Variants in TRABD2B observed in about 807,000 individuals in gnomAD.
The protein encoded by TRABD2B is TraB domain containing 2B.
Under a neutral mutation model 40.1 loss-of-function variants are expected in TRABD2B, and 14 were observed. The ratio of observed to expected loss-of-function variants is 0.35; its 90% CI spans 0.23 to 0.55. The LOEUF (loss-of-function observed/expected upper bound fraction) is 0.55, where lower values mean the gene tolerates loss of function less well. Ranked by LOEUF, TRABD2B falls within the 20% of genes least tolerant of loss-of-function variation. The probability of loss-of-function intolerance (pLI) is 0.90; values close to 1 mark genes in which losing one functional copy is unlikely to be tolerated. For missense variants in TRABD2B, 541 were observed against 648.6 expected (o/e 0.83, Z 1.80); for synonymous variants, 263 against 277.0 (o/e 0.95, Z 0.50).
intron 2 of TRABD2B, among the ~76,000 whole-genome samples, chr1:47,910,733 G>A (rs1331675231): frequency 6.6e-6 from 1 of 152,128 alleles, no homozygotes; most frequent in Non-Finnish European, 1.5e-5. Flanking sequence ...ATAAAACAGA[G>A]GTAAAATACC....
chr1:47,803,975 T>G (rs745352140), intron 2 of TRABD2B, among the ~76,000 whole-genome samples: 1 of 152,196 alleles, frequency 6.6e-6, no homozygotes, highest in Non-Finnish European at 1.5e-5. Flanking sequence ...ACACATAATC[T>G]GACCAGAAAA....
chr1:47,982,637 T>G (rs1030654403), intron 2 of TRABD2B, among the ~76,000 whole-genome samples: 13 of 152,152 alleles, frequency 8.5e-5, no homozygotes, highest in African/African-American at 3.1e-4. Flanking sequence ...AAATTTACTG[T>G]GATAAACCAG....
intron 2 of TRABD2B, among the ~76,000 whole-genome samples, chr1:47,862,714 T>C (rs1181858647): frequency 6.6e-6 from 1 of 152,172 alleles, no homozygotes; most frequent in Non-Finnish European, 1.5e-5. Context: ...CAAGTTATTT[T>C]GTGTCTATCA....
intron 2 of TRABD2B, among the ~76,000 whole-genome samples, chr1:47,991,736 C>A (rs535424607): frequency 8.1e-4 from 123 of 152,224 alleles, no homozygotes; most frequent in Non-Finnish European, 1.3e-3. Flanking sequence ...GTCTCCCCAA[C>A]CCAAATATTT....
intron 6 of TRABD2B, among the ~76,000 whole-genome samples, chr1:47,766,603 T>C (rs1394259556): frequency 6.6e-6 from 1 of 152,200 alleles, no homozygotes; most frequent in African/African-American, 2.4e-5. Context: ...GCTCAGCACT[T>C]TCCAAGCAAT....
intron 2 of TRABD2B, among the ~76,000 whole-genome samples, chr1:47,958,471 T>C (rs11488214): frequency 0.024 from 3,280 of 137,418 alleles, 82 homozygotes; most frequent in Admixed American, 0.084. Context: ...ACCCATCTCA[T>C]GTGCAGAGAC....
At chr1:47,796,905 C>T (rs1229229513) in intron 3 of TRABD2B, among the ~76,000 whole-genome samples, 3 of 152,224 alleles carry the variant, frequency 2.0e-5, no homozygotes, top group African/African-American at 4.8e-5. Context: ...AAGCCCATGA[C>T]TCAGAGGAGT....
At chr1:47,990,692 T>A (rs1033343559) in intron 2 of TRABD2B, among the ~76,000 whole-genome samples, 12 of 148,596 alleles carry the variant, frequency 8.1e-5, no homozygotes, top group African/African-American at 2.7e-4. Context: ...AGACTGGTAA[T>A]TGCTGCCCCA....
At chr1:47,882,914 T>A (rs573186443) in intron 2 of TRABD2B, among the ~76,000 whole-genome samples, 8 of 152,272 alleles carry the variant, frequency 5.3e-5, no homozygotes, top group African/African-American at 1.9e-4. Context: ...AGAGGAGTCC[T>A]GGAGAAGCTG....
In TRABD2B at chr1:47,771,842, C is replaced by T. The variant is rs116338825; in HGVS notation, c.1349+3328G>A. Among the ~76,000 whole-genome samples the T allele has an allele frequency of 6.1e-3, 926 of 152,306 alleles. 8 individuals carry two copies. Among genetic ancestry groups the T allele is most frequent in the African/African-American group, 0.021 (880 of 41,570 alleles). On this transcript the variant is annotated intron_variant, in intron 6 of 6. Transcript: ENST00000606738. ...CTAAACTTCCTCCAGTGTGTGTTTA[C>T]ATCTCCGGTAATGAGGGGCAAGGGG...
chr1:47,858,233 ATTTTATTTTATTTTATTTT>A, intron 2 of TRABD2B, among the ~76,000 whole-genome samples: 1 of 67,706 alleles, frequency 1.5e-5, no homozygotes, highest in East Asian at 7.8e-4. Flanking sequence ...ATTTTATTTT[ATTTTATTTTATTTTATTTT>A]ATTTTATTTT....
intron 2 of TRABD2B, among the ~76,000 whole-genome samples, chr1:47,821,912 T>A (rs1323761971): frequency 6.6e-6 from 1 of 152,148 alleles, no homozygotes; most frequent in African/African-American, 2.4e-5. Context: ...GGTGGAACAA[T>A]GAGGCACTGC....
In TRABD2B at chr1:47,765,979, G is replaced by T. The variant is rs1424257225; in HGVS notation, c.1477C>A (p.Pro493Thr). The T allele has an allele frequency of 2.8e-6, 2 of 702,296 alleles. No individual in the cohort carries two copies. The highest frequency in any genetic ancestry group is 5.4e-5 in the East Asian group (2 of 37,244). The allele number at this position is 702,296 out of a possible 1,614,324, so 43.5% of individuals were successfully genotyped here. A position where few individuals can be genotyped will look rare whatever the true frequency, so the allele number is the denominator to read the frequency against. Residue 493 changes from proline (P) to threonine (T), a missense_variant, in exon 7 of 7, where the codon CCC becomes ACC. By Grantham distance (38) the Pro-to-Thr change is conservative. Coordinates refer to ENST00000606738, the MANE Select transcript of TRABD2B (RefSeq NM_001194986.2). ...ATGGCGGGGAGAAGGCCCAGGGTGG[G>T]TGCCGAGCTGCTGGCGGGCCCTGGC... is the stretch of plus-strand genomic sequence containing the variant. ...DPPGPASSSAPTLGLLPAIAT... is the reference protein window; with the variant it reads ...DPPGPASSSATTLGLLPAIAT...
At chr1:47,883,332 G>C (rs1644330143) in intron 2 of TRABD2B, among the ~76,000 whole-genome samples, 1 of 152,206 alleles carries the variant, frequency 6.6e-6, no homozygotes, top group African/African-American at 2.4e-5. Flanking sequence ...GCTGGTATTT[G>C]AGTTCTGTAG....
At chr1:47,920,716 G>C (rs1644890666) in intron 2 of TRABD2B, among the ~76,000 whole-genome samples, 1 of 152,214 alleles carries the variant, frequency 6.6e-6, no homozygotes. Flanking sequence ...CTCCCTGCAG[G>C]GCAGAGACCC....
intron 2 of TRABD2B, among the ~76,000 whole-genome samples, chr1:47,952,518 T>C (rs969633573): frequency 1.3e-5 from 2 of 152,200 alleles, no homozygotes; most frequent in Non-Finnish European, 2.9e-5. Context: ...TGCTGTTCTC[T>C]GTATCTAAGA....
chr1:47,906,800 C>T lies in TRABD2B; in HGVS notation c.666+87234G>A, dbSNP rs553203294. 2.6e-5 allele frequency among the ~76,000 whole-genome samples: 4 copies of T among 152,374 alleles called. No individual in the cohort carries two copies. In the South Asian group the frequency reaches 8.3e-4, roughly 32 times the overall value. On this transcript the variant is annotated intron_variant, in intron 2 of 6. Transcript: ENST00000606738. The stretch of plus-strand genomic sequence containing the variant: ...TAGGAACCTTAAAAGCAAAAGACAG[C>T]TTAATAATGCAGCAAAGAAAACACA...
chr1:47,956,175 A>G (rs942341388), intron 2 of TRABD2B, among the ~76,000 whole-genome samples: 2 of 152,090 alleles, frequency 1.3e-5, no homozygotes, highest in African/African-American at 4.8e-5. Flanking sequence ...CACCATAGAA[A>G]CCCACCCACC....
intron 3 of TRABD2B, among the ~76,000 whole-genome samples, chr1:47,800,155 C>A (rs917031132): frequency 8.6e-5 from 13 of 152,020 alleles, no homozygotes; most frequent in African/African-American, 3.1e-4. Flanking sequence ...AGCTTATGAT[C>A]TAGTAGGGAG....
Sources: allele counts gnomAD v4.1 joint callset (sites outside exome capture counted in the v4.1 genomes callset), GRCh38; gene constraint gnomAD v4.1.1; transcripts MANE v1.5; gene names NCBI Gene and HGNC (gene_info 2026-07-23, HGNC 2026-07-21).